Variants in IL12RB2 observed in about 807,000 individuals in gnomAD.
IL12RB2 encodes interleukin 12 receptor subunit beta 2.
Under a neutral mutation model 89.4 loss-of-function variants are expected in IL12RB2, and 82 were observed. The ratio of observed to expected loss-of-function variants is 0.92; its 90% CI spans 0.77 to 1.10. The LOEUF (loss-of-function observed/expected upper bound fraction) is 1.10, where lower values mean the gene tolerates loss of function less well. Ranked by LOEUF, IL12RB2 falls within the 50% of genes least tolerant of loss-of-function variation. The pLI, the probability that IL12RB2 is intolerant of heterozygous loss-of-function variation, is 0.00. For missense variants in IL12RB2, 963 were observed against 1,031.9 expected (o/e 0.93, Z 0.92); for synonymous variants, 368 against 370.1 (o/e 0.99, Z 0.07).
At chr1:67,391,890 G>A (rs1028241139) in intron 16 of IL12RB2, among the ~76,000 whole-genome samples, 2 of 151,982 alleles carry the variant, frequency 1.3e-5, no homozygotes, top group Admixed American at 6.6e-5. Context: ...TGATCCACCC[G>A]CCTCGGCCTC....
At chr1:67,391,569 T>C (rs1441431600) in intron 16 of IL12RB2, among the ~76,000 whole-genome samples, 5 of 149,984 alleles carry the variant, frequency 3.3e-5, no homozygotes, top group Non-Finnish European at 7.4e-5. Context: ...TTATCTTCTA[T>C]GTACCAGGCA....
chr1:67,344,667 T>A (rs919273369), intron 9 of IL12RB2, among the ~76,000 whole-genome samples: 21 of 152,238 alleles, frequency 1.4e-4, no homozygotes, highest in Non-Finnish European at 2.4e-4. Flanking sequence ...TTAAAATTAT[T>A]TGGATATTTT....
intron 9 of IL12RB2, among the ~76,000 whole-genome samples, chr1:67,340,123 G>T (rs1908632): frequency 0.62 from 94,439 of 152,084 alleles, 32,916 homozygotes; most frequent in South Asian, 0.77. Flanking sequence ...AGAAATGAGT[G>T]ATTTCTTCTT....
Position 67,317,723 on chromosome 1 carries a change from A to G in IL12RB2, c.-36-2610A>G, listed in dbSNP as rs78656428. On this transcript the variant is annotated intron_variant, in intron 2 of 16. Transcript: ENST00000674203. The stretch of plus-strand genomic sequence containing the variant: ...CAGGGATGTTTATAGGGAGTTTTCT[A>G]AAGATCATATTCCTTTCCCTCCTTC... Among the ~76,000 whole-genome samples, 992 of 152,318 alleles carry G rather than the reference A, an allele frequency of 6.5e-3. 18 individuals carry two copies. Among genetic ancestry groups the G allele is most frequent in the African/African-American group, 0.023 (959 of 41,554 alleles).
chr1:67,360,101 C>T (rs1183810255), intron 10 of IL12RB2, among the ~76,000 whole-genome samples: 1 of 152,038 alleles, frequency 6.6e-6, no homozygotes, highest in East Asian at 1.9e-4. Context: ...TGAGTTTTAT[C>T]TTATGGAGCT....
At chr1:67,355,647 C>T (rs781384686) in intron 10 of IL12RB2, among the ~76,000 whole-genome samples, 20 of 152,172 alleles carry the variant, frequency 1.3e-4, no homozygotes, top group Non-Finnish European at 2.1e-4. Context: ...AGTGGCAGAG[C>T]TACATGGAAA....
At chr1:67,357,448 G>A (rs1377098619) in intron 10 of IL12RB2, among the ~76,000 whole-genome samples, 1 of 152,182 alleles carries the variant, frequency 6.6e-6, no homozygotes, top group East Asian at 1.9e-4. Context: ...AATGATTTCA[G>A]TATTGTATAG....
Position 67,372,521 on chromosome 1 carries a change from CT to C in IL12RB2, c.1546del (p.Ser516LeufsTer7). The C allele has an allele frequency of 6.2e-7, 1 of 1,602,938 alleles. No individual in the cohort carries two copies. The highest frequency in any genetic ancestry group is 8.5e-7 in the Non-Finnish European group (1 of 1,169,798). ...GAGGATGCAGCTCCATCCTGGGTAA[CT>C]CTAAGCACAAAGGTGAGTCTTGGGA... ...QGGCSSILGN[S>X]KHKAPLSGPH... On this transcript the variant is annotated frameshift_variant, in exon 12 of 17. Coordinates refer to ENST00000674203, the MANE Select transcript of IL12RB2 (RefSeq NM_001374259.2). LOFTEE classifies it high-confidence loss of function.
chr1:67,323,605 CT>C (rs1294920689), intron 4 of IL12RB2, among the ~76,000 whole-genome samples: 1 of 152,150 alleles, frequency 6.6e-6, no homozygotes, highest in African/African-American at 2.4e-5. Context: ...ACTACAAACT[CT>C]TTTCAACTTA....
chr1:67,319,937 C>T (rs967245213), intron 2 of IL12RB2, among the ~76,000 whole-genome samples: 3 of 152,284 alleles, frequency 2.0e-5, no homozygotes, highest in Admixed American at 1.3e-4. Context: ...AAGGCCCCAT[C>T]TATGAACCGT....
chr1:67,326,075 C>A (rs915647378), intron 4 of IL12RB2, among the ~76,000 whole-genome samples: 1 of 152,142 alleles, frequency 6.6e-6, no homozygotes, highest in African/African-American at 2.4e-5. Context: ...TTATAAATGT[C>A]CATAAAGTGC....
chr1:67,352,144 C>T (rs1373528836), intron 10 of IL12RB2, among the ~76,000 whole-genome samples: 1 of 152,084 alleles, frequency 6.6e-6, no homozygotes, highest in East Asian at 1.9e-4. Flanking sequence ...GAAGAAAATA[C>T]AGGTAAGTAT....
intron 1 of IL12RB2, among the ~76,000 whole-genome samples, chr1:67,310,765 G>A (rs1351093696): frequency 1.3e-5 from 2 of 152,092 alleles, no homozygotes; most frequent in East Asian, 1.9e-4. Context: ...TCTTGCTGTC[G>A]CCAGGCTGGA....
At chr1:67,375,904 T>C (rs1009561690) in intron 13 of IL12RB2, among the ~76,000 whole-genome samples, 1 of 149,848 alleles carries the variant, frequency 6.7e-6, no homozygotes, top group Non-Finnish European at 1.5e-5. Context: ...TGGAGTGCAA[T>C]GGCGCGATCT....
chr1:67,381,659 G>A (rs1207941194), intron 14 of IL12RB2, among the ~76,000 whole-genome samples: 10 of 151,984 alleles, frequency 6.6e-5, no homozygotes, highest in South Asian at 2.1e-4. Flanking sequence ...CTGGCTACTC[G>A]GGAGGCTGAG....
intron 10 of IL12RB2, among the ~76,000 whole-genome samples, chr1:67,357,580 C>A (rs970791011): frequency 1.3e-5 from 2 of 152,108 alleles, no homozygotes; most frequent in Non-Finnish European, 1.5e-5. Context: ...AGTTGCATTG[C>A]ATTCTTCAAA....
intron 6 of IL12RB2, among the ~76,000 whole-genome samples, chr1:67,328,785 C>A (rs147363426): frequency 2.7e-4 from 41 of 152,272 alleles, no homozygotes; most frequent in Middle Eastern, 3.4e-3. Flanking sequence ...TACATGTGGG[C>A]CTGCTAGGCT....
At chr1:67,395,508 C>T (rs754021553) in intron 16 of IL12RB2, 39 bp from the exon 17 acceptor site, 2 of 1,613,980 alleles carry the variant, frequency 1.2e-6, no homozygotes, top group East Asian at 4.5e-5. Flanking sequence ...AAGGTCACTT[C>T]TACAGCAGTG....
At chr1:67,384,933 C>A (rs1664981512) in intron 14 of IL12RB2, among the ~76,000 whole-genome samples, 1 of 152,184 alleles carries the variant, frequency 6.6e-6, no homozygotes, top group South Asian at 2.1e-4. Flanking sequence ...CTAACTTTCC[C>A]ACATCTTCCT....
Sources: gnomAD v4.1 joint callset for allele counts (sites outside exome capture counted in the v4.1 genomes callset) on GRCh38, gnomAD v4.1.1 for gene constraint, MANE v1.5 for transcripts, NCBI Gene and HGNC (gene_info 2026-07-23, HGNC 2026-07-21) for gene names.